The following CUL4B variants were observed in gnomAD, a reference collection of about 807,000 sequenced individuals.
CUL4B encodes the protein cullin 4B, also known as cullin-4B.
In CUL4B, 1 loss-of-function variant was observed where a neutral mutation model predicts 69.2. That is an observed-to-expected ratio of 0.01 (90% CI 0.01 to 0.07). The LOEUF is 0.07. CUL4B is among the 10% of genes least tolerant of loss of function. The probability of loss-of-function intolerance (pLI) is 1.00; values close to 1 mark genes in which losing one functional copy is unlikely to be tolerated. For missense variants in CUL4B, 328 were observed against 638.8 expected, an observed-to-expected ratio of 0.51 and a Z score of 5.24; for synonymous variants, 237 against 223.2, an observed-to-expected ratio of 1.06 and a Z score of -0.55.
downstream of CUL4B, among the ~76,000 whole-genome samples, chrX:120,566,731 C>T (rs1395123785): frequency 9.0e-6 from 1 of 110,927 alleles, no homozygotes; most frequent in Non-Finnish European, 1.9e-5. Flanking sequence ...GTTTATCTTA[C>T]ATCGCCTGAA....
At chrX:120,564,821 T>C (rs1176481586), upstream of CUL4B, among the ~76,000 whole-genome samples, 1 of 112,354 alleles carries the variant, frequency 8.9e-6, no homozygotes, top group African/African-American at 3.2e-5. Flanking sequence ...CACCATACAA[T>C]TATAGCCATT....
chrX:120,575,243 G>A (rs1313856267), intron 1 of CUL4B, among the ~76,000 whole-genome samples: 1 of 112,116 alleles, frequency 8.9e-6, no homozygotes, highest in Non-Finnish European at 1.9e-5. Context: ...TGGGAATAAC[G>A]AAACCTAGCA....
At chrX:120,534,060 C>T (rs1299934869) in intron 17 of CUL4B, among the ~76,000 whole-genome samples, 1 of 107,235 alleles carries the variant, frequency 9.3e-6, no homozygotes, top group Non-Finnish European at 1.9e-5. Context: ...AGCAAGATTC[C>T]GTCTTGAGGG....
Position 120,546,912 on chromosome X carries a change from A to G in CUL4B, c.776+224T>C, listed in dbSNP as rs760665616. On this transcript the variant is annotated intron_variant, in intron 3 of 19. Coordinates refer to ENST00000371322, the MANE Select transcript of CUL4B (RefSeq NM_001079872.2). ...GTGGAAATCTGATAGGGCAAAAAGGATAAAGACATAAGGACATCTTATTTA... is the reference window on the plus strand; with the variant it reads ...GTGGAAATCTGATAGGGCAAAAAGGGTAAAGACATAAGGACATCTTATTTA... Among the ~76,000 whole-genome samples, 373 of 112,444 alleles carry G rather than the reference A, an allele frequency of 3.3e-3. 1 individual carries two copies. The highest frequency in any genetic ancestry group is 0.012 in the African/African-American group (362 of 31,004).
chrX:120,558,096 G>A lies in CUL4B; in HGVS notation c.557-57C>T, dbSNP rs1004282886. The A allele has an allele frequency of 1.2e-4, 87 of 698,163 alleles. No homozygotes were observed. In the African/African-American group the frequency reaches 1.7e-3, roughly 14 times the overall value. The allele number at this position is 698,163 out of a possible 1,213,427, so 57.5% of individuals were successfully genotyped here. On this transcript the variant is annotated intron_variant, in intron 1 of 19. Transcript: ENST00000371322. ...TACCATGTCAGATACAGTAACCAAA[G>A]ATTCATAAAATATAATAGCATTACT...
At chrX:120,541,315 C>A (rs765076513) in intron 10 of CUL4B, among the ~76,000 whole-genome samples, 68 of 111,966 alleles carry the variant, frequency 6.1e-4, no homozygotes, top group African/African-American at 1.9e-3. Flanking sequence ...GCCTGACCAA[C>A]ATGGTGAAAC....
chrX:120,566,394 T>TATATATATATATATATATGTAC, upstream of CUL4B, among the ~76,000 whole-genome samples: 1 of 88,542 alleles, frequency 1.1e-5, no homozygotes, highest in African/African-American at 4.1e-5. Flanking sequence ...TATATATGTA[T>TATATATATATATATATATGTAC]ATATATTTGG....
chrX:120,531,522 C>T (rs1311972249), intron 18 of CUL4B, among the ~76,000 whole-genome samples: 2 of 106,120 alleles, frequency 1.9e-5, no homozygotes, highest in African/African-American at 3.4e-5. Context: ...TGCAGTGGCG[C>T]GATCTCAGCT....
Position 120,555,652 on chromosome X carries a change from T to G in CUL4B, c.672+2272A>C, listed in dbSNP as rs191921254. ...AGACTCAGTCTCCTCATCAATAAAGTGGGGATAGGCCAGGCGCGGTGGCTC... is the reference window on the plus strand; with the variant it reads ...AGACTCAGTCTCCTCATCAATAAAGGGGGGATAGGCCAGGCGCGGTGGCTC... On this transcript the variant is annotated intron_variant, in intron 2 of 19. Transcript: ENST00000371322. 1.9e-4 allele frequency among the ~76,000 whole-genome samples: 21 copies of G among 110,372 alleles called. No individual in the cohort carries two copies. The East Asian group carries it at 5.9e-3, about 31-fold the overall frequency.
chrX:120,570,819 A>C (rs1372910610), downstream of CUL4B, among the ~76,000 whole-genome samples: 3 of 112,268 alleles, frequency 2.7e-5, no homozygotes, highest in South Asian at 1.1e-3. Flanking sequence ...AATAATACCT[A>C]CAATTTGATA....
chrX:120,557,056 C>T (rs775588619), intron 2 of CUL4B, among the ~76,000 whole-genome samples: 6 of 109,962 alleles, frequency 5.5e-5, no homozygotes, highest in Admixed American at 9.7e-5. Context: ...GGATTACAGG[C>T]ATGCACCACA....
chrX:120,527,478 T>C (rs1923049095), intron 19 of CUL4B, among the ~76,000 whole-genome samples: 1 of 110,538 alleles, frequency 9.0e-6, no homozygotes, highest in African/African-American at 3.3e-5. Context: ...ACTCTTGTTC[T>C]GGAGTAATCC....
chrX:120,574,337 A>G (rs932385784), intron 2 of CUL4B, among the ~76,000 whole-genome samples: 2 of 109,892 alleles, frequency 1.8e-5, no homozygotes, highest in East Asian at 5.7e-4. Context: ...AAGCCTCCTG[A>G]GTAGCTGGGA....
Position 120,534,031 on chromosome X carries a change from A to G in CUL4B, c.2266+450T>C, listed in dbSNP as rs780547974. Among the ~76,000 whole-genome samples the G allele has an allele frequency of 2.7e-5, 3 of 109,578 alleles. No homozygotes were observed. In the Admixed American group the frequency reaches 2.9e-4, roughly 11 times the overall value. ...CAGTGAGCCGAGATCGCGCCACTGC[A>G]CTCCAGCCTGGGTGACAGAGCAAGA... On this transcript the variant is annotated intron_variant, in intron 17 of 19. Transcript: ENST00000371322.
At chrX:120,552,896 A>C (rs1248340816) in intron 2 of CUL4B, among the ~76,000 whole-genome samples, 3 of 112,075 alleles carry the variant, frequency 2.7e-5, no homozygotes, top group Non-Finnish European at 3.8e-5. Context: ...GATCTACATT[A>C]TCTCTCTTTT....
intron 2 of CUL4B, among the ~76,000 whole-genome samples, chrX:120,554,068 A>G (rs1160400419): frequency 1.8e-5 from 2 of 111,486 alleles, no homozygotes; most frequent in Non-Finnish European, 3.8e-5. Flanking sequence ...TTAGAATTTA[A>G]AATCGTGTGG....
At chrX:120,568,659 G>A (rs1033550732), downstream of CUL4B, among the ~76,000 whole-genome samples, 2 of 112,531 alleles carry the variant, frequency 1.8e-5, no homozygotes, top group African/African-American at 6.5e-5. Context: ...AATTCAATTT[G>A]TAGTTGATTT....
In CUL4B at chrX:120,539,376, A is replaced by C; in HGVS notation, c.1637-4T>G. ...AGTTTTGAATCTACATACTTAGCTAAAATGGGGGAAAAGTTTGTTGTTTAA... is the reference window on the plus strand; with the variant it reads ...AGTTTTGAATCTACATACTTAGCTACAATGGGGGAAAAGTTTGTTGTTTAA... On this transcript the variant is annotated splice_polypyrimidine_tract_variant and splice_region_variant and intron_variant, in intron 11 of 19. Transcript: ENST00000371322. The C allele has an allele frequency of 9.0e-7, 1 of 1,115,357 alleles. No individual in the cohort carries two copies. Among genetic ancestry groups the C allele is most frequent in the Non-Finnish European group, 1.2e-6 (1 of 811,374 alleles). 91.9% of individuals were successfully genotyped at this position (1,115,357 alleles called of 1,213,427 possible).
At chrX:120,546,394 A>T (rs1234637169) in intron 4 of CUL4B, among the ~76,000 whole-genome samples, 153 bp downstream of exon 4, 3 of 111,099 alleles carry the variant, frequency 2.7e-5, no homozygotes, top group Non-Finnish European at 3.8e-5. Flanking sequence ...AAAATAAATA[A>T]ATTTTTAAAA....
Sources: gnomAD v4.1 joint callset for allele counts (sites outside exome capture counted in the v4.1 genomes callset) on GRCh38, gnomAD v4.1.1 for gene constraint, MANE v1.5 for transcripts, NCBI Gene and HGNC (gene_info 2026-07-23, HGNC 2026-07-21) for gene names.